The following PLET1 variants were observed in gnomAD, a reference collection of about 807,000 sequenced individuals.
The protein encoded by PLET1 is placenta expressed transcript 1.
Under a neutral mutation model 18.5 loss-of-function variants are expected in PLET1, and 20 were observed. That is an observed-to-expected ratio of 1.08 (90% CI 0.76 to 1.57). PLET1 has a LOEUF of 1.57. Among genes scored for constraint, PLET1 ranks in the 40% most tolerant of loss-of-function variants. PLET1 has a pLI of 0.00. For missense variants in PLET1, 256 were observed against 246.4 expected (o/e 1.04, Z -0.26); for synonymous variants, 93 against 93.8 (o/e 0.99, Z 0.05).
At chr11:112,259,020 C>T (rs948039643) in intron 1 of PLET1, among the ~76,000 whole-genome samples, 1 of 152,204 alleles carries the variant, frequency 6.6e-6, no homozygotes, top group Non-Finnish European at 1.5e-5. Flanking sequence ...GGTTCTGAAG[C>T]TGGACAGCTG....
chr11:112,260,058 G>A (rs1860270660), intron 1 of PLET1, among the ~76,000 whole-genome samples: 1 of 152,006 alleles, frequency 6.6e-6, no homozygotes, highest in Non-Finnish European at 1.5e-5. Context: ...AAAACAAAAA[G>A]AGAAAAGATT....
intron 3 of PLET1, among the ~76,000 whole-genome samples, chr11:112,249,629 C>T (rs1002054643): frequency 1.3e-5 from 2 of 152,056 alleles, no homozygotes; most frequent in Middle Eastern, 3.4e-3. Context: ...TGGAGGTTGG[C>T]GGGAATACCT....
At chr11:112,259,796 G>A (rs1352737659) in intron 1 of PLET1, among the ~76,000 whole-genome samples, 1 of 152,148 alleles carries the variant, frequency 6.6e-6, no homozygotes, top group Non-Finnish European at 1.5e-5. Flanking sequence ...CCAGCACTTT[G>A]GGTGACTGAG....
intron 1 of PLET1, among the ~76,000 whole-genome samples, chr11:112,259,517 A>C (rs1860263583): frequency 6.6e-6 from 1 of 152,224 alleles, no homozygotes; most frequent in South Asian, 2.1e-4. Flanking sequence ...TAAGAAAAGC[A>C]TTGGATTAAG....
chr11:112,256,750 C>T (rs1217982938), intron 1 of PLET1, among the ~76,000 whole-genome samples: 1 of 152,186 alleles, frequency 6.6e-6, no homozygotes, highest in African/African-American at 2.4e-5. Context: ...GATGCAGATC[C>T]CGCAGACCTC....
chr11:112,252,994 C>G (rs1043695046), intron 2 of PLET1, among the ~76,000 whole-genome samples: 1 of 152,158 alleles, frequency 6.6e-6, no homozygotes, highest in Non-Finnish European at 1.5e-5. Context: ...TGAAAGGACA[C>G]CTCATTTCAG....
At chr11:112,258,531 GC>G (rs1860250027) in intron 1 of PLET1, among the ~76,000 whole-genome samples, 2 of 152,112 alleles carry the variant, frequency 1.3e-5, no homozygotes, top group South Asian at 4.1e-4. Flanking sequence ...CAATTTGCCT[GC>G]CTTGACCTCC....
At chr11:112,252,226 A>G in intron 3 of PLET1, 122 bp downstream of exon 3, 1 of 863,634 alleles carries the variant, frequency 1.2e-6, no homozygotes. Context: ...GGGAGACTCA[A>G]CTGATAGATA....
chr11:112,255,692 T>TA, intron 1 of PLET1, 103 bp from the exon 2 acceptor site: 1 of 995,506 alleles, frequency 1.0e-6, no homozygotes, highest in South Asian at 1.4e-5. Flanking sequence ...ACAAGAAAGT[T>TA]ACAAAGAATA....
intron 3 of PLET1, 33 bp from the exon 4 acceptor site, chr11:112,249,007 G>C: frequency 6.5e-7 from 1 of 1,541,558 alleles, no homozygotes; most frequent in South Asian, 1.2e-5. Flanking sequence ...GGTTGGCACT[G>C]GAAAATGGCA....
intron 2 of PLET1, 28 bp downstream of exon 2, chr11:112,255,359 GC>G (rs1860214474): frequency 6.5e-7 from 1 of 1,547,216 alleles, no homozygotes; most frequent in Non-Finnish European, 8.8e-7. Flanking sequence ...AAATTTTAAA[GC>G]CCAAAGCAAA....
At chr11:112,249,871 C>T (rs1566826536) in intron 3 of PLET1, among the ~76,000 whole-genome samples, 1 of 149,594 alleles carries the variant, frequency 6.7e-6, no homozygotes, top group Non-Finnish European at 1.5e-5. Flanking sequence ...GCAGGAGAAT[C>T]ACTTGAACCC....
At chr11:112,253,716 G>A (rs898828144) in intron 2 of PLET1, among the ~76,000 whole-genome samples, 1 of 152,186 alleles carries the variant, frequency 6.6e-6, no homozygotes, top group Non-Finnish European at 1.5e-5. Flanking sequence ...CACTCTGTGG[G>A]CACAATAGTC....
At chr11:112,250,536 A>T (rs1424914380) in intron 3 of PLET1, among the ~76,000 whole-genome samples, 1 of 152,166 alleles carries the variant, frequency 6.6e-6, no homozygotes, top group Non-Finnish European at 1.5e-5. Context: ...TTTTCTTTAC[A>T]TCAATAAAGT....
intron 2 of PLET1, among the ~76,000 whole-genome samples, chr11:112,254,250 G>A (rs576526325): frequency 4.7e-4 from 68 of 146,122 alleles, no homozygotes; most frequent in African/African-American, 1.7e-3. Context: ...ATGTGGTCTG[G>A]TATGTGCGTG....
intron 3 of PLET1, among the ~76,000 whole-genome samples, chr11:112,251,698 C>T (rs1002688579): frequency 1.3e-5 from 2 of 152,130 alleles, no homozygotes; most frequent in Non-Finnish European, 2.9e-5. Flanking sequence ...AGGTGTGAGC[C>T]ACTGCACCCA....
chr11:112,251,086 T>C (rs2135416236), intron 3 of PLET1, among the ~76,000 whole-genome samples: 1 of 152,260 alleles, frequency 6.6e-6, no homozygotes, highest in Middle Eastern at 3.4e-3. Flanking sequence ...AAGGCTAATG[T>C]TTCTTGTTCT....
chr11:112,256,788 G>A (rs1054556850), intron 1 of PLET1, among the ~76,000 whole-genome samples: 1 of 152,256 alleles, frequency 6.6e-6, no homozygotes, highest in Admixed American at 6.5e-5. Flanking sequence ...CCTGACATCT[G>A]TTCTAGATCT....
At chr11:112,256,567 C>T (rs1238923112) in intron 1 of PLET1, among the ~76,000 whole-genome samples, 2 of 152,174 alleles carry the variant, frequency 1.3e-5, no homozygotes, top group African/African-American at 4.8e-5. Flanking sequence ...TGATGTTATC[C>T]TTCATTATCT....
Sources: allele counts gnomAD v4.1 joint callset (sites outside exome capture counted in the v4.1 genomes callset), GRCh38; gene constraint gnomAD v4.1.1; transcripts MANE v1.5; gene names NCBI Gene and HGNC (gene_info 2026-07-23, HGNC 2026-07-21).